Variants in RUVBL2 observed in about 807,000 individuals in gnomAD.
The protein encoded by RUVBL2 is RuvB like AAA ATPase 2, also known as ruvB-like 2.
A neutral mutation model predicts 57.9 loss-of-function variants in RUVBL2; 9 were observed. The observed-to-expected ratio is 0.16, with a 90% CI of 0.09 to 0.27. The LOEUF (loss-of-function observed/expected upper bound fraction) is 0.27, where lower values mean the gene tolerates loss of function less well. RUVBL2 is among the 10% of genes least tolerant of loss of function. The probability of loss-of-function intolerance (pLI) is 1.00; values close to 1 mark genes in which losing one functional copy is unlikely to be tolerated. For synonymous variants in RUVBL2, 278 were observed against 264.6 expected (o/e 1.05, Z -0.49); for missense variants, 456 against 669.6 (o/e 0.68, Z 3.52).
chr19:48,993,500 T>G, upstream of RUVBL2: 1 of 425,726 alleles, frequency 2.3e-6, no homozygotes, highest in Non-Finnish European at 4.4e-6. Context: ...AGCTTGCCGC[T>G]GCGCTTTACG....
intron 3 of RUVBL2, among the ~76,000 whole-genome samples, chr19:49,004,000 C>T (rs1310508163): frequency 1.3e-5 from 2 of 150,320 alleles, no homozygotes; most frequent in Non-Finnish European, 2.9e-5. Context: ...TTTGTGGTCC[C>T]AGCTACTCAA....
rs145596235 is a variant in RUVBL2, at chr19:49,014,463, C to T, written c.1002-21C>T. On this transcript the variant is annotated intron_variant, in intron 11 of 14. Transcript: ENST00000595090. ...GAGGGAACATGCCCCTGACAGCCCCCTCTTTCTGCCTCTTCCTCAGAATCC... is the reference window on the plus strand; with the variant it reads ...GAGGGAACATGCCCCTGACAGCCCCTTCTTTCTGCCTCTTCCTCAGAATCC... 237 of 1,610,278 alleles carry T rather than the reference C, an allele frequency of 1.5e-4. 1 individual carries two copies. Among genetic ancestry groups the T allele is most frequent in the Admixed American group, 6.2e-4 (37 of 59,624 alleles).
intron 1 of RUVBL2, among the ~76,000 whole-genome samples, chr19:48,997,825 G>A (rs1003204419): frequency 1.3e-5 from 2 of 151,950 alleles, no homozygotes; most frequent in Non-Finnish European, 2.9e-5. Context: ...CCTCTGGGGG[G>A]GTCCTGAATT....
In RUVBL2 at chr19:49,014,521, C is replaced by G. The variant is rs2039502288; in HGVS notation, c.1039C>G (p.Pro347Ala). 6.2e-7 allele frequency: 1 copy of G among 1,614,006 alleles called. No individual in the cohort carries two copies. Among genetic ancestry groups the G allele is most frequent in the African/African-American group, 1.3e-5 (1 of 74,932 alleles). ...GTSYQSPHGI[P>A]IDLLDRLLIV... The stretch of plus-strand genomic sequence containing the variant: ...CAGCTACCAGAGCCCTCACGGCATC[C>G]CCATAGACCTGCTGGACCGGCTGCT... The change falls in exon 12 of 15, where the codon CCC becomes GCC. Residue 347 changes from proline (P) to alanine (A), a missense_variant. By Grantham distance (27) the Pro-to-Ala change is conservative (BLOSUM62 -1). This residue lies in a region of RUVBL2 where 130 missense variants were observed against 243.0 expected (regional missense o/e 0.53). Coordinates refer to ENST00000595090, the MANE Select transcript of RUVBL2 (RefSeq NM_006666.3).
At chr19:49,000,161 C>T (rs897641858) in intron 2 of RUVBL2, among the ~76,000 whole-genome samples, 6 of 152,212 alleles carry the variant, frequency 3.9e-5, no homozygotes, top group Admixed American at 1.3e-4. Flanking sequence ...ATCTGCAAGA[C>T]GAAGCTAAGA....
In RUVBL2 at chr19:49,015,600, A is replaced by G; in HGVS notation, c.1280A>G (p.Lys427Arg). Residue 427 changes from lysine (K) to arginine (R), a missense_variant, in exon 14 of 15, where the codon AAG becomes AGG. Physicochemically the swap from Lys to Arg is conservative, Grantham distance 26. This residue lies in a region of RUVBL2 where 67 missense variants were observed against 71.5 expected (regional missense o/e 0.94). Coordinates refer to ENST00000595090, the MANE Select transcript of RUVBL2 (RefSeq NM_006666.3). ...ACAGAAGTGCAGGTGGATGACATCA[A>G]GCGGGTCTACTCACTCTTCCTGGAC... ...KGTEVQVDDI[K>R]RVYSLFLDES... The G allele has an allele frequency of 1.2e-6, 2 of 1,614,040 alleles. No homozygotes were observed. Among genetic ancestry groups the G allele is most frequent in the Non-Finnish European group, 8.5e-7 (1 of 1,179,998 alleles).
Position 49,010,610 on chromosome 19 carries a change from A to G in RUVBL2, c.786A>G (p.Ser262=). The G allele has an allele frequency of 6.2e-7, 1 of 1,613,372 alleles. No individual in the cohort carries two copies. The highest frequency in any genetic ancestry group is 2.2e-5 in the East Asian group (1 of 44,816). ...CCCAGGGCTTCCTGGCGCTCTTCTC[A>G]GGTGAGGCCCCTCCTGCCCTGCCCT... ...SRTQGFLALF[S]GDTGEIKSEV... Residue 262 remains serine, a splice_region_variant and synonymous_variant, in exon 9 of 15, where the codon TCA becomes TCG. Coordinates refer to ENST00000595090, the MANE Select transcript of RUVBL2 (RefSeq NM_006666.3).
At chr19:49,014,654 C>T in intron 12 of RUVBL2, 51 bp downstream of exon 12, 1 of 1,602,136 alleles carries the variant, frequency 6.2e-7, no homozygotes, top group Non-Finnish European at 8.5e-7. Context: ...GGGGTCTACC[C>T]TGTTTGACAA....
intron 6 of RUVBL2, among the ~76,000 whole-genome samples, chr19:49,007,792 C>T (rs912624690): frequency 6.6e-6 from 1 of 152,104 alleles, no homozygotes; most frequent in Non-Finnish European, 1.5e-5. Flanking sequence ...GCAACCTCTG[C>T]CTCCCAGGTT....
At position 48,997,829 on chromosome 19, in the gene RUVBL2, C is replaced by G. The variant is rs558414161; in HGVS notation, c.13-1490C>G. 2.0e-5 allele frequency among the ~76,000 whole-genome samples: 3 copies of G among 152,006 alleles called. No individual in the cohort carries two copies. The East Asian group carries it at 5.8e-4, about 29-fold the overall frequency. ...TTTTGTGTGGACCTCTGGGGGGGTC[C>G]TGAATTGTCCCGGGTGGTGTTTACT... On this transcript the variant is annotated intron_variant, in intron 1 of 14. Coordinates refer to ENST00000595090, the MANE Select transcript of RUVBL2 (RefSeq NM_006666.3).
chr19:48,998,560 T>A (rs1223360995), intron 1 of RUVBL2, among the ~76,000 whole-genome samples: 1 of 150,768 alleles, frequency 6.6e-6, no homozygotes, highest in Non-Finnish European at 1.5e-5. Context: ...ACAAAAAAAA[T>A]TAGCCAAGTG....
intron 11 of RUVBL2, among the ~76,000 whole-genome samples, chr19:49,012,437 G>A (rs2039446801): frequency 6.6e-6 from 1 of 152,208 alleles, no homozygotes; most frequent in African/African-American, 2.4e-5. Context: ...GCTGGACACT[G>A]GAAGAGACCC....
intron 1 of RUVBL2, among the ~76,000 whole-genome samples, chr19:48,998,803 G>A (rs2039117896): frequency 6.6e-6 from 1 of 151,374 alleles, no homozygotes; most frequent in Non-Finnish European, 1.5e-5. Context: ...CAAGGCTGGT[G>A]TATCACTTGA....
In RUVBL2 at chr19:49,014,617, C is replaced by G; in HGVS notation, c.1121+14C>G. The G allele has an allele frequency of 6.2e-7, 1 of 1,613,706 alleles. No homozygotes were observed. The highest frequency in any genetic ancestry group is 8.5e-7 in the Non-Finnish European group (1 of 1,179,832). Reference sequence around the variant, plus strand: ...CCTCCGCATCCGGTGCGGGCAGGACCAGGCCGTGCGCCTGAGACGCAGGGC... The same window carrying G: ...CCTCCGCATCCGGTGCGGGCAGGACGAGGCCGTGCGCCTGAGACGCAGGGC... On this transcript the variant is annotated intron_variant, in intron 12 of 14. Transcript: ENST00000595090.
chr19:49,009,137 G>A (rs544490318), intron 6 of RUVBL2, among the ~76,000 whole-genome samples: 156 of 120,016 alleles, frequency 1.3e-3, no homozygotes, highest in Middle Eastern at 0.011. Context: ...CTCCAGCCTG[G>A]GCGACAGAGC....
chr19:49,015,729 CAG>C (rs1216982382), intron 14 of RUVBL2, 43 bp downstream of exon 14: 1 of 1,611,684 alleles, frequency 6.2e-7, no homozygotes, highest in African/African-American at 1.3e-5. Context: ...GAGCCAACCT[CAG>C]AGGGAGGAAG....
intron 6 of RUVBL2, among the ~76,000 whole-genome samples, chr19:49,009,120 C>CACT (rs1036434806): frequency 1.9e-4 from 22 of 117,008 alleles, no homozygotes; most frequent in Non-Finnish European, 3.2e-4. Flanking sequence ...GAGATCACAC[C>CACT]ACTGCACTCC....
At position 49,009,722 on chromosome 19, in the gene RUVBL2, G is replaced by A. The variant is rs2039367356; in HGVS notation, c.463-54G>A. 2.7e-6 allele frequency: 4 copies of A among 1,493,724 alleles called. No individual in the cohort carries two copies. In the Admixed American group the frequency reaches 6.7e-5, roughly 25 times the overall value. The allele number at this position is 1,493,724 out of a possible 1,614,324, so 92.5% of individuals were successfully genotyped here. A position where few individuals can be genotyped will look rare whatever the true frequency, so the allele number is the denominator to read the frequency against. On this transcript the variant is annotated intron_variant, in intron 6 of 14. Coordinates refer to ENST00000595090, the MANE Select transcript of RUVBL2 (RefSeq NM_006666.3). ...AAGCTTATCAACACTGGGGGCACTG[G>A]GGCAACATCAGGGCCCTCTCTGAGC... is the stretch of plus-strand genomic sequence containing the variant.
At chr19:49,006,389 G>A (rs1238871015) in intron 4 of RUVBL2, among the ~76,000 whole-genome samples, 5 of 152,242 alleles carry the variant, frequency 3.3e-5, no homozygotes, top group Non-Finnish European at 7.3e-5. Flanking sequence ...AGAGCGTCCT[G>A]CCCTGTGCCA....
Sources: allele counts gnomAD v4.1 joint callset (sites outside exome capture counted in the v4.1 genomes callset), GRCh38; gene constraint gnomAD v4.1.1; regional missense constraint gnomAD v4.1.1; transcripts MANE v1.5; gene names NCBI Gene and HGNC (gene_info 2026-07-23, HGNC 2026-07-21).